CPNE4: variants seen among roughly 807,000 people sequenced by gnomAD.
The protein encoded by CPNE4 is copine 4, also known as copine-4.
Under a neutral mutation model 67.9 loss-of-function variants are expected in CPNE4, and 25 were observed. That is an observed-to-expected ratio of 0.37 (90% CI 0.27 to 0.51). The LOEUF is 0.51. Among genes scored for constraint, CPNE4 ranks in the 20% least tolerant of loss-of-function variants. The pLI is 0.93. For synonymous variants in CPNE4, 242 were observed against 244.9 expected, an observed-to-expected ratio of 0.99 and a Z score of 0.11; for missense variants, 464 against 690.8, an observed-to-expected ratio of 0.67 and a Z score of 3.68.
At position 131,685,872 on chromosome 3, in the gene CPNE4, TACCTCAGTTCG is replaced by T; in HGVS notation, c.583_591+2del. The T allele has an allele frequency of 6.2e-7, 1 of 1,604,036 alleles. No homozygotes were observed. The highest frequency in any genetic ancestry group is 8.5e-7 in the Non-Finnish European group (1 of 1,171,580). On this transcript the variant is annotated splice_donor_variant and coding_sequence_variant, in exon 6 of 16. Transcript: ENST00000429747. LOFTEE classifies it high-confidence loss of function. ...AGAGGGCATAGCTGAAGATGACTCT[TACCTCAGTTCG>T]GTGCACCAGCTGCTGAGTTGCATCA... is the stretch of plus-strand genomic sequence containing the variant.
intron 5 of CPNE4, among the ~76,000 whole-genome samples, chr3:131,688,370 C>T (rs995025199): frequency 1.3e-5 from 2 of 152,132 alleles, no homozygotes; most frequent in South Asian, 2.1e-4. Flanking sequence ...CTTCAAACAT[C>T]GTCTCTCCCC....
At chr3:131,581,523 C>G in intron 9 of CPNE4, 56 bp downstream of exon 9, 2 of 1,170,902 alleles carry the variant, frequency 1.7e-6, no homozygotes, top group Non-Finnish European at 2.6e-6. Context: ...CACCTGAACT[C>G]TTCCTCTCAG....
intron 2 of CPNE4, among the ~76,000 whole-genome samples, chr3:131,884,308 C>T (rs9849931): frequency 0.29 from 43,820 of 151,970 alleles, 7,384 homozygotes; most frequent in Non-Finnish European, 0.37. Context: ...CATTGAATTG[C>T]AGGAAATATT....
At chr3:131,789,242 T>C (rs1007914479) in intron 2 of CPNE4, among the ~76,000 whole-genome samples, 5 of 152,178 alleles carry the variant, frequency 3.3e-5, no homozygotes, top group Non-Finnish European at 7.4e-5. Flanking sequence ...AATATGGAAC[T>C]GCACATGTTT....
chr3:131,690,932 G>A (rs2081019520), intron 5 of CPNE4, among the ~76,000 whole-genome samples: 1 of 152,124 alleles, frequency 6.6e-6, no homozygotes. Context: ...ACCCGCAAGT[G>A]GTCAACATAC....
chr3:131,635,104 G>T (rs1342650563), intron 7 of CPNE4, among the ~76,000 whole-genome samples: 1 of 152,124 alleles, frequency 6.6e-6, no homozygotes, highest in Admixed American at 6.5e-5. Context: ...CTGTAGAAGA[G>T]CATTTGTATT....
chr3:131,663,348 A>G (rs2080176094), intron 7 of CPNE4, among the ~76,000 whole-genome samples: 1 of 152,068 alleles, frequency 6.6e-6, no homozygotes, highest in South Asian at 2.1e-4. Flanking sequence ...CATCAGGACA[A>G]ATACCTAATG....
At chr3:131,981,120 A>G (rs2107636760) in intron 1 of CPNE4, among the ~76,000 whole-genome samples, 1 of 152,066 alleles carries the variant, frequency 6.6e-6, no homozygotes, top group Admixed American at 6.5e-5. Context: ...GGACTCTGTG[A>G]GGGTTCTTAG....
intron 2 of CPNE4, among the ~76,000 whole-genome samples, chr3:131,893,366 C>A (rs192634604): frequency 6.6e-6 from 1 of 151,944 alleles, no homozygotes; most frequent in Admixed American, 6.6e-5. Context: ...GTCAGCAATA[C>A]AGTAATCGTA....
intron 2 of CPNE4, among the ~76,000 whole-genome samples, chr3:131,867,269 G>A (rs1343764078): frequency 6.6e-6 from 1 of 152,200 alleles, no homozygotes; most frequent in African/African-American, 2.4e-5. Context: ...GGGCACAGCT[G>A]TTCGGAGCAG....
chr3:131,899,018 C>T (rs894959916), intron 2 of CPNE4, among the ~76,000 whole-genome samples: 3 of 152,082 alleles, frequency 2.0e-5, no homozygotes, highest in Non-Finnish European at 2.9e-5. Context: ...CCAAACCTTG[C>T]AAGTCAACAA....
At chr3:131,712,857 A>G (rs2081592496) in intron 3 of CPNE4, among the ~76,000 whole-genome samples, 1 of 152,240 alleles carries the variant, frequency 6.6e-6, no homozygotes, top group Non-Finnish European at 1.5e-5. Context: ...TGTAAATGCC[A>G]TGGAGATAGC....
At chr3:131,903,426 C>T (rs531731288) in intron 2 of CPNE4, among the ~76,000 whole-genome samples, 1 of 151,636 alleles carries the variant, frequency 6.6e-6, no homozygotes, top group Non-Finnish European at 1.5e-5. Context: ...AAAAAACAGA[C>T]AAACTTAAAA....
chr3:131,683,734 G>A (rs80121443), intron 6 of CPNE4, among the ~76,000 whole-genome samples: 7,628 of 152,080 alleles, frequency 0.05, 547 homozygotes, highest in East Asian at 0.35. Context: ...ACTTGCCCAG[G>A]AATTGCAGTA....
intron 15 of CPNE4, among the ~76,000 whole-genome samples, chr3:131,542,159 T>C (rs367684069): frequency 1.8e-3 from 273 of 152,176 alleles, no homozygotes; most frequent in African/African-American, 6.4e-3. Context: ...TGCATTTCAG[T>C]TTCTGCTTGG....
At chr3:131,559,230 G>A (rs1936628087) in intron 11 of CPNE4, among the ~76,000 whole-genome samples, 1 of 151,810 alleles carries the variant, frequency 6.6e-6, no homozygotes, top group Non-Finnish European at 1.5e-5. Context: ...ATTTTTTTTG[G>A]TATATAACTT....
intron 2 of CPNE4, among the ~76,000 whole-genome samples, chr3:131,845,478 A>T (rs1056210921): frequency 6.6e-6 from 1 of 152,210 alleles, no homozygotes; most frequent in Non-Finnish European, 1.5e-5. Flanking sequence ...CTGCTCACCC[A>T]TTTAATCATA....
rs1173525863 is a variant in CPNE4, at chr3:131,534,014, A to C, written c.*1181T>G. 1.3e-5 allele frequency: 2 copies of C among 152,226 alleles called. No homozygotes were observed. The highest frequency in any genetic ancestry group is 2.9e-5 in the Non-Finnish European group (2 of 68,030). 9.4% of individuals were successfully genotyped at this position (152,226 alleles called of 1,614,324 possible). A position where few individuals can be genotyped will look rare whatever the true frequency, so the allele number is the denominator to read the frequency against. Reference sequence around the variant, plus strand: ...TTCTCAGAAGTGATAGAAAGGAGGCAAGAAATTCCCACACTAAGCTCAAAG... The same window carrying C: ...TTCTCAGAAGTGATAGAAAGGAGGCCAGAAATTCCCACACTAAGCTCAAAG... On this transcript the variant is annotated 3_prime_UTR_variant, in exon 16 of 16. Transcript: ENST00000429747.
chr3:131,984,909 G>T (rs1316454568), intron 1 of CPNE4, among the ~76,000 whole-genome samples: 2 of 152,112 alleles, frequency 1.3e-5, no homozygotes, highest in African/African-American at 4.8e-5. Context: ...CTCCTTGTTG[G>T]CTTTCTTCTC....
Sources: allele counts gnomAD v4.1 joint callset (sites outside exome capture counted in the v4.1 genomes callset), GRCh38; gene constraint gnomAD v4.1.1; transcripts MANE v1.5; gene names NCBI Gene and HGNC (gene_info 2026-07-23, HGNC 2026-07-21).